The following TENM1 variants were observed in gnomAD, a reference collection of about 807,000 sequenced individuals.
TENM1 encodes teneurin transmembrane protein 1.
A neutral mutation model predicts 174.8 loss-of-function variants in TENM1; 35 were observed. That is an observed-to-expected ratio of 0.20 (90% CI 0.15 to 0.27). The LOEUF is 0.27. Among genes scored for constraint, TENM1 ranks in the 10% least tolerant of loss-of-function variants. The pLI is 1.00. For synonymous variants in TENM1, 781 were observed against 798.7 expected (o/e 0.98, Z 0.37); for missense variants, 1,633 against 2,130.1 (o/e 0.77, Z 4.59).
At chrX:124,728,693 C>T (rs1484423752) in intron 4 of TENM1, among the ~76,000 whole-genome samples, 2 of 111,559 alleles carry the variant, frequency 1.8e-5, no homozygotes, top group African/African-American at 3.3e-5. Flanking sequence ...TATAACAAAA[C>T]ACTTGTGATG....
the TENM1 span, among the ~76,000 whole-genome samples, chrX:125,060,177 T>C: frequency 1.2e-5 from 1 of 82,561 alleles, no homozygotes; most frequent in Non-Finnish European, 2.1e-5. Context: ...TCTCTCTCTC[T>C]CTCTCACACA....
chrX:124,817,551 T>C (rs932295088), intron 3 of TENM1, among the ~76,000 whole-genome samples: 2 of 111,728 alleles, frequency 1.8e-5, no homozygotes, highest in African/African-American at 6.5e-5. Flanking sequence ...TCAATCGCCA[T>C]AGGAAATCTT....
At chrX:124,950,027 G>A (rs1449682147) in intron 1 of TENM1, among the ~76,000 whole-genome samples, 2 of 110,749 alleles carry the variant, frequency 1.8e-5, no homozygotes, top group Non-Finnish European at 3.8e-5. Flanking sequence ...GTGGCCTCAG[G>A]GGAAAGCCAT....
chrX:124,725,307 C>T (rs1264118801), intron 4 of TENM1, among the ~76,000 whole-genome samples: 2 of 110,926 alleles, frequency 1.8e-5, no homozygotes, highest in African/African-American at 6.6e-5. Context: ...CTGTTGTAGC[C>T]CCAGCAACTA....
rs767569811 is a variant in TENM1 at position 124,836,556 on chromosome X, C to G, written c.535+57740G>C. Reference sequence around the variant, plus strand: ...TATAAAGATTGAAAATGCAGTACAACCACCTAAATATTCTATACCAGTGTC... The same window carrying G: ...TATAAAGATTGAAAATGCAGTACAAGCACCTAAATATTCTATACCAGTGTC... On this transcript the variant is annotated intron_variant, in intron 3 of 31. Coordinates refer to ENST00000422452, the Ensembl canonical transcript of TENM1. Among the ~76,000 whole-genome samples, 9 of 112,375 alleles carry G rather than the reference C, an allele frequency of 8.0e-5. No homozygotes were observed. The South Asian group carries it at 3.3e-3, about 41-fold the overall frequency.
At chrX:124,964,362 T>C (rs920810259), upstream of TENM1, among the ~76,000 whole-genome samples, 28 of 111,759 alleles carry the variant, frequency 2.5e-4, no homozygotes, top group African/African-American at 9.1e-4. Context: ...TGAGGGGGAC[T>C]GAACTCTTTG....
intron 15 of TENM1, among the ~76,000 whole-genome samples, chrX:124,545,165 G>GA (rs2048402844): frequency 8.9e-6 from 1 of 111,882 alleles, no homozygotes; most frequent in Admixed American, 9.5e-5. Context: ...CTGGATGAAG[G>GA]AGACCCATCG....
intron 4 of TENM1, among the ~76,000 whole-genome samples, chrX:124,717,768 T>A (rs762828595): frequency 2.3e-4 from 26 of 112,077 alleles, no homozygotes; most frequent in Non-Finnish European, 4.7e-4. Flanking sequence ...TTCATGCATA[T>A]AGTACAACCA....
the TENM1 span, among the ~76,000 whole-genome samples, chrX:125,044,903 G>A: frequency 9.0e-6 from 1 of 111,573 alleles, no homozygotes. Context: ...TGAGCACGGG[G>A]CAGAGAGGGT....
At chrX:124,421,558 A>T (rs1248658363) in intron 24 of TENM1, among the ~76,000 whole-genome samples, 1 of 110,629 alleles carries the variant, frequency 9.0e-6, no homozygotes, top group Non-Finnish European at 1.9e-5. Context: ...ATCTGTTGAC[A>T]TTAAGAGGAC....
chrX:124,603,989 T>G (rs2843516), intron 11 of TENM1, among the ~76,000 whole-genome samples: 25,619 of 110,740 alleles, frequency 0.23, 2,198 homozygotes, highest in South Asian at 0.47. Flanking sequence ...TCATTACACC[T>G]TATGTAGTAG....
At chrX:124,834,197 T>C (rs761042397) in intron 3 of TENM1, among the ~76,000 whole-genome samples, 2 of 112,014 alleles carry the variant, frequency 1.8e-5, no homozygotes, top group South Asian at 7.5e-4. Flanking sequence ...AATTTTGAGA[T>C]GGAGTGCTCT....
chrX:124,495,777 GAAAATGGCCATACTGCCCAAGGTAATTTA>G (rs2047185688), intron 20 of TENM1, among the ~76,000 whole-genome samples: 2 of 101,360 alleles, frequency 2.0e-5, no homozygotes, highest in South Asian at 9.6e-4. Context: ...TCAATATCGT[GAAAATGGCCATACTGCCCAAGGTAATTTA>G]CAGATTCAAT....
intron 4 of TENM1, among the ~76,000 whole-genome samples, chrX:124,734,447 C>T (rs867026350): frequency 3.8e-5 from 4 of 104,378 alleles, no homozygotes; most frequent in East Asian, 3.1e-4. Flanking sequence ...GAGACTGTCT[C>T]AAATAAATAA....
chrX:124,790,028 T>C lies in TENM1; in HGVS notation c.536-52831A>G, dbSNP rs184340181. On this transcript the variant is annotated intron_variant, in intron 3 of 31. Transcript: ENST00000422452. Reference sequence around the variant, plus strand: ...CATGGCTGAGAAGGCCTTATAATCATAGCAGAAGGCAAGGAGGAGCAAGTC... The same window carrying C: ...CATGGCTGAGAAGGCCTTATAATCACAGCAGAAGGCAAGGAGGAGCAAGTC... 4.8e-3 allele frequency among the ~76,000 whole-genome samples: 541 copies of C among 111,958 alleles called. 3 individuals are homozygous for C. The highest frequency in any genetic ancestry group is 0.016 in the African/African-American group (491 of 30,815).
At position 124,797,785 on chromosome X, in the gene TENM1, C is replaced by T. The variant is rs189206606; in HGVS notation, c.536-60588G>A. On this transcript the variant is annotated intron_variant, in intron 3 of 31. Coordinates refer to ENST00000422452, the Ensembl canonical transcript of TENM1. Reference sequence around the variant, plus strand: ...CTTGGTGGTTTTCTGCACCTATCAACCTGTCACTTAGGTTTTAAGCCAAGC... The same window carrying T: ...CTTGGTGGTTTTCTGCACCTATCAATCTGTCACTTAGGTTTTAAGCCAAGC... Among the ~76,000 whole-genome samples, 616 of 109,847 alleles carry T rather than the reference C, an allele frequency of 5.6e-3. 3 individuals carry two copies. Among genetic ancestry groups the T allele is most frequent in the Non-Finnish European group, 9.1e-3 (479 of 52,653 alleles).
the TENM1 span, among the ~76,000 whole-genome samples, chrX:125,063,264 C>T: frequency 9.0e-6 from 1 of 111,647 alleles, no homozygotes; most frequent in Non-Finnish European, 1.9e-5. Flanking sequence ...TATGAAGAAA[C>T]TACGTATGGA....
chrX:124,589,754 T>C (rs1232259737), intron 11 of TENM1, among the ~76,000 whole-genome samples: 2 of 111,476 alleles, frequency 1.8e-5, no homozygotes, highest in Non-Finnish European at 3.8e-5. Context: ...ATGGGATTGG[T>C]TGTAATGTTA....
At chrX:124,543,626 T>C (rs1213622218) in intron 15 of TENM1, among the ~76,000 whole-genome samples, 5 of 112,557 alleles carry the variant, frequency 4.4e-5, no homozygotes, top group Non-Finnish European at 7.5e-5. Context: ...TTCACCTATT[T>C]ACATTTTTAA....
Sources: allele counts gnomAD v4.1 joint callset (sites outside exome capture counted in the v4.1 genomes callset), GRCh38; gene constraint gnomAD v4.1.1; transcripts MANE v1.5; gene names NCBI Gene and HGNC (gene_info 2026-07-23, HGNC 2026-07-21).